MACROD2: variants seen among roughly 807,000 people sequenced by gnomAD.
The protein encoded by MACROD2 is ADP-ribose glycohydrolase MACROD2.
Under a neutral mutation model 70.4 loss-of-function variants are expected in MACROD2, and 36 were observed. The ratio of observed to expected loss-of-function variants is 0.51; its 90% CI spans 0.39 to 0.68. The LOEUF is 0.68. Among genes scored for constraint, MACROD2 ranks in the 30% least tolerant of loss-of-function variants. MACROD2 has a pLI of 0.00. For missense variants in MACROD2, 496 were observed against 538.4 expected, an observed-to-expected ratio of 0.92 and a Z score of 0.78; for synonymous variants, 172 against 178.8, an observed-to-expected ratio of 0.96 and a Z score of 0.30.
chr20:15,208,996 A>G (rs772453432), intron 5 of MACROD2, among the ~76,000 whole-genome samples: 4 of 152,034 alleles, frequency 2.6e-5, no homozygotes, highest in Non-Finnish European at 5.9e-5. Flanking sequence ...CTTTGATGAC[A>G]GGGGAAGGGA....
At chr20:15,030,169 T>C (rs1023470231) in intron 5 of MACROD2, among the ~76,000 whole-genome samples, 2 of 151,790 alleles carry the variant, frequency 1.3e-5, no homozygotes, top group Non-Finnish European at 2.9e-5. Context: ...CACATCTGCA[T>C]CTCCATGACT....
intron 4 of MACROD2, among the ~76,000 whole-genome samples, chr20:14,665,968 T>G (rs1440264426): frequency 1.3e-5 from 2 of 152,162 alleles, no homozygotes; most frequent in Admixed American, 6.6e-5. Flanking sequence ...ACTGTCAAGA[T>G]TGCCATTATA....
At chr20:14,601,083 C>T (rs886575529) in intron 4 of MACROD2, among the ~76,000 whole-genome samples, 1 of 151,300 alleles carries the variant, frequency 6.6e-6, no homozygotes, top group Admixed American at 6.6e-5. Flanking sequence ...AGTTAAATCA[C>T]ATAATATATA....
intron 9 of MACROD2, among the ~76,000 whole-genome samples, chr20:15,885,247 G>A (rs1218570934): frequency 6.6e-6 from 1 of 152,122 alleles, no homozygotes; most frequent in Non-Finnish European, 1.5e-5. Context: ...GGTGCAATTG[G>A]TGGGACACTT....
chr20:15,502,904 A>G (rs948481014), intron 8 of MACROD2, among the ~76,000 whole-genome samples: 10 of 152,186 alleles, frequency 6.6e-5, no homozygotes, highest in Admixed American at 2.0e-4. Context: ...CATGTGAAAT[A>G]TCATCTATCA....
intron 8 of MACROD2, among the ~76,000 whole-genome samples, chr20:15,628,516 T>C (rs967829117): frequency 6.6e-6 from 1 of 152,214 alleles, no homozygotes; most frequent in Non-Finnish European, 1.5e-5. Flanking sequence ...TGAGAGGTGT[T>C]CCAGTTATGC....
intron 7 of MACROD2, among the ~76,000 whole-genome samples, chr20:15,476,578 C>T (rs909340051): frequency 2.7e-4 from 40 of 149,228 alleles, no homozygotes; most frequent in African/African-American, 1.0e-3. Flanking sequence ...TTGCCCCCCC[C>T]CGGTAAGTCT....
chr20:14,230,239 C>T (rs76059691), intron 3 of MACROD2, among the ~76,000 whole-genome samples: 2,225 of 152,140 alleles, frequency 0.015, 23 homozygotes, highest in African/African-American at 0.027. Flanking sequence ...CTCTGTAGCA[C>T]GGGATGCTGT....
At chr20:14,185,125 A>C (rs1490840177) in intron 3 of MACROD2, among the ~76,000 whole-genome samples, 1 of 151,388 alleles carries the variant, frequency 6.6e-6, no homozygotes, top group Non-Finnish European at 1.5e-5. Flanking sequence ...GATTTGTTGA[A>C]TCAATTCAAT....
chr20:15,461,006 A>ATATATATTTTTT lies in MACROD2; in HGVS notation c.571+29572_571+29573insATATATTTTTTT. ...TATATATATATATATATATATATAT[A>ATATATATTTTTT]TTTTTTTTTAATAGATGGGGTCTTG... On this transcript the variant is annotated intron_variant, in intron 7 of 17. Transcript: ENST00000684519. Among the ~76,000 whole-genome samples the ATATATATTTTTT allele has an allele frequency of 4.8e-4, 32 of 67,016 alleles. 1 individual carries two copies. The highest frequency in any genetic ancestry group is 7.6e-4 in the African/African-American group (18 of 23,720). The allele number at this position is 67,016 out of a possible 152,430, so 44.0% of individuals were successfully genotyped here. A position where few individuals can be genotyped will look rare whatever the true frequency, so the allele number is the denominator to read the frequency against.
chr20:15,120,577 T>C (rs771737711), intron 5 of MACROD2, among the ~76,000 whole-genome samples: 1 of 152,206 alleles, frequency 6.6e-6, no homozygotes, highest in South Asian at 2.1e-4. Context: ...ACTAGTTCCC[T>C]GAATGGGCTG....
intron 3 of MACROD2, among the ~76,000 whole-genome samples, chr20:14,208,458 C>T (rs746124521): frequency 6.6e-6 from 1 of 152,144 alleles, no homozygotes; most frequent in Non-Finnish European, 1.5e-5. Flanking sequence ...TTCAGTTGGC[C>T]GTTAGCACCA....
At chr20:14,028,319 A>G (rs2053201627) in intron 2 of MACROD2, among the ~76,000 whole-genome samples, 1 of 145,122 alleles carries the variant, frequency 6.9e-6, no homozygotes, top group Non-Finnish European at 1.5e-5. Flanking sequence ...CTGTGCTGGC[A>G]GCAAGAATTA....
chr20:15,311,296 C>T (rs918446317), intron 6 of MACROD2, among the ~76,000 whole-genome samples: 29 of 151,916 alleles, frequency 1.9e-4, no homozygotes, highest in Non-Finnish European at 3.8e-4. Context: ...AACAAAACAA[C>T]AATAACAAAA....
intron 3 of MACROD2, among the ~76,000 whole-genome samples, chr20:14,097,222 C>T (rs1340745834): frequency 6.6e-6 from 1 of 152,046 alleles, no homozygotes; most frequent in Non-Finnish European, 1.5e-5. Flanking sequence ...TATACCAAAC[C>T]CATTGGTCAA....
At chr20:15,374,353 T>C (rs983004179) in intron 6 of MACROD2, among the ~76,000 whole-genome samples, 4 of 152,042 alleles carry the variant, frequency 2.6e-5, no homozygotes, top group Non-Finnish European at 5.9e-5. Context: ...TATGATTACG[T>C]ATATCACTGA....
intron 8 of MACROD2, among the ~76,000 whole-genome samples, chr20:15,805,711 G>A (rs1343495718): frequency 6.6e-6 from 1 of 152,098 alleles, no homozygotes; most frequent in Non-Finnish European, 1.5e-5. Flanking sequence ...CCTGACCTCA[G>A]GTGATCTGCC....
chr20:15,846,030 G>A (rs1299017569), intron 8 of MACROD2, among the ~76,000 whole-genome samples: 3 of 152,196 alleles, frequency 2.0e-5, no homozygotes, highest in African/African-American at 4.8e-5. Flanking sequence ...AAGTCAGAGA[G>A]TAAAAATGTT....
intron 8 of MACROD2, among the ~76,000 whole-genome samples, chr20:15,609,636 G>A (rs1568926687): frequency 1.3e-5 from 2 of 152,190 alleles, no homozygotes; most frequent in East Asian, 1.9e-4. Context: ...CAATAATGCC[G>A]GAGGACTGTG....
Sources: gnomAD v4.1 joint callset for allele counts (sites outside exome capture counted in the v4.1 genomes callset) on GRCh38, gnomAD v4.1.1 for gene constraint, MANE v1.5 for transcripts, NCBI Gene and HGNC (gene_info 2026-07-23, HGNC 2026-07-21) for gene names.